GCFC2: variants seen among roughly 807,000 people sequenced by gnomAD.
The protein encoded by GCFC2 is GC-rich sequence DNA-binding factor 2, also known as intron Large complex component GCFC2.
Under a neutral mutation model 99.4 loss-of-function variants are expected in GCFC2, and 102 were observed. The ratio of observed to expected loss-of-function variants is 1.03; its 90% confidence interval spans 0.87 to 1.21. The LOEUF is 1.21. GCFC2 is among the 50% of genes most tolerant of loss of function. The probability of loss-of-function intolerance (pLI) is 0.00; values close to 1 mark genes in which losing one functional copy is unlikely to be tolerated. For missense variants in GCFC2, 973 were observed against 920.9 expected, an observed-to-expected ratio of 1.06 and a Z score of -0.73; for synonymous variants, 338 against 316.8, an observed-to-expected ratio of 1.07 and a Z score of -0.71.
Position 75,696,312 on chromosome 2 carries a change from T to G in GCFC2, c.721A>C (p.Arg241=), listed in dbSNP as rs748968769. ...TTGCCACAGGAAAGATCTATGTCTC[T>G]TTCCTAAAAAAGTAAAAATAGATTT... ...MRKAVKIIEE[R]DIDLSCGNGS... is the part of the protein sequence containing the mutation. Residue 241 remains arginine (R), a synonymous_variant, in exon 5 of 17, where the codon AGA becomes CGA. Coordinates refer to ENST00000321027, the MANE Select transcript of GCFC2 (RefSeq NM_003203.5). The G allele has an allele frequency of 4.1e-6, 5 of 1,233,164 alleles. No individual in the cohort carries two copies. Among genetic ancestry groups the G allele is most frequent in the Non-Finnish European group, 4.8e-6 (4 of 842,026 alleles). 76.4% of individuals were successfully genotyped at this position (1,233,164 alleles called of 1,614,324 possible).
Position 75,680,655 on chromosome 2 carries a change from G to T in GCFC2, c.1691-341C>A, listed in dbSNP as rs73936785. ...AGCCTCTCTCTCTCTCTGTCTCTCA[G>T]GTCCATTCACTCTCCCTCTCACCTA... On this transcript the variant is annotated intron_variant, in intron 11 of 16. Transcript: ENST00000321027. 5.3e-3 allele frequency among the ~76,000 whole-genome samples: 811 copies of T among 152,020 alleles called. 6 individuals carry two copies. Among genetic ancestry groups the T allele is most frequent in the African/African-American group, 0.018 (748 of 41,482 alleles).
intron 4 of GCFC2, among the ~76,000 whole-genome samples, chr2:75,696,665 A>G (rs1163835826): frequency 6.6e-6 from 1 of 152,240 alleles, no homozygotes; most frequent in Non-Finnish European, 1.5e-5. Flanking sequence ...TGTCTGGCTG[A>G]CCTAACACCT....
chr2:75,664,660 G>GAA lies in GCFC2; in HGVS notation c.*5_*6insTT. 8.2e-7 allele frequency: 1 copy of GAA among 1,218,876 alleles called. No individual in the cohort carries two copies. The highest frequency in any genetic ancestry group is 1.3e-5 in the South Asian group (1 of 78,880). 75.5% of individuals were successfully genotyped at this position (1,218,876 alleles called of 1,614,324 possible). On this transcript the variant is annotated 3_prime_UTR_variant, in exon 17 of 17. Coordinates refer to ENST00000321027, the MANE Select transcript of GCFC2 (RefSeq NM_003203.5). ...TAAAATTTTAGCATTTTCCAATAAA[G>GAA]TTTATTCAATCTTCTTTAATTAGTG...
At chr2:75,669,597 C>G (rs998834879) in intron 15 of GCFC2, among the ~76,000 whole-genome samples, 1 of 152,074 alleles carries the variant, frequency 6.6e-6, no homozygotes, top group African/African-American at 2.4e-5. Flanking sequence ...ACTTAACATT[C>G]TTTTTGTAAA....
At chr2:75,705,615 T>TAAA (rs1680823084) in intron 2 of GCFC2, among the ~76,000 whole-genome samples, 2 of 3,436 alleles carry the variant, frequency 5.8e-4, no homozygotes, top group African/African-American at 1.6e-3. Flanking sequence ...AGACTCCATC[T>TAAA]CAAAAAAAAA....
chr2:75,707,914 A>G (rs771505770), intron 1 of GCFC2, among the ~76,000 whole-genome samples: 2 of 152,214 alleles, frequency 1.3e-5, no homozygotes, highest in Non-Finnish European at 2.9e-5. Flanking sequence ...TTCATGAACT[A>G]ATTAAAAAAT....
rs149611163 is a variant in GCFC2 at position 75,684,805 on chromosome 2, C to G, written c.1690+3022G>C. ...ACAATAGCAAAGACTTGGAACCAAC[C>G]CAAATGCCCATCAATGATAGACTGG... On this transcript the variant is annotated intron_variant, in intron 11 of 16. Coordinates refer to ENST00000321027, the MANE Select transcript of GCFC2 (RefSeq NM_003203.5). Among the ~76,000 whole-genome samples the G allele has an allele frequency of 1.5e-3, 232 of 152,252 alleles. 2 individuals carry two copies. Among genetic ancestry groups the G allele is most frequent in the Non-Finnish European group, 2.7e-3 (183 of 68,004 alleles).
At position 75,686,780 on chromosome 2, in the gene GCFC2, C is replaced by T. The variant is rs184667695; in HGVS notation, c.1690+1047G>A. 2.2e-4 allele frequency among the ~76,000 whole-genome samples: 34 copies of T among 152,218 alleles called. 1 individual carries two copies. The East Asian group carries it at 6.0e-3, about 27-fold the overall frequency. ...CACAAAAAATTAAATAAGAGTTTTG[C>T]AGTCTTTGCTGTCAAATTTCTTTCT... On this transcript the variant is annotated intron_variant, in intron 11 of 16. Transcript: ENST00000321027.
chr2:75,668,136 A>G (rs59030612), intron 15 of GCFC2, among the ~76,000 whole-genome samples: 1,715 of 152,172 alleles, frequency 0.011, 58 homozygotes, highest in East Asian at 0.1. Context: ...CCCAGATCCT[A>G]AAGTCTGATC....
At chr2:75,664,854 G>C in intron 16 of GCFC2, 71 bp from the exon 17 acceptor site, 2 of 725,748 alleles carry the variant, frequency 2.8e-6, no homozygotes, top group South Asian at 3.2e-5. Context: ...TTCAGAACCT[G>C]ATCATCAGTT....
At chr2:75,684,556 A>G (rs923798782) in intron 11 of GCFC2, among the ~76,000 whole-genome samples, 1 of 152,230 alleles carries the variant, frequency 6.6e-6, no homozygotes, top group Non-Finnish European at 1.5e-5. Flanking sequence ...TCCTAACATC[A>G]CAATTAAAAG....
intron 11 of GCFC2, among the ~76,000 whole-genome samples, chr2:75,681,684 A>C (rs887377563): frequency 6.6e-6 from 1 of 151,930 alleles, no homozygotes; most frequent in African/African-American, 2.4e-5. Context: ...CAGCAAGCTA[A>C]GATCCACTGA....
chr2:75,665,143 C>T (rs1339637689), intron 16 of GCFC2, among the ~76,000 whole-genome samples: 1 of 151,614 alleles, frequency 6.6e-6, no homozygotes, highest in African/African-American at 2.4e-5. Flanking sequence ...GCAAATAATA[C>T]AAATCTGATT....
At chr2:75,700,107 C>T (rs549862824) in intron 4 of GCFC2, among the ~76,000 whole-genome samples, 1 of 152,042 alleles carries the variant, frequency 6.6e-6, no homozygotes, top group African/African-American at 2.4e-5. Flanking sequence ...GGCTATGTTG[C>T]CCAGGCTAGT....
intron 11 of GCFC2, among the ~76,000 whole-genome samples, chr2:75,684,821 G>T (rs1679739858): frequency 6.6e-6 from 1 of 152,194 alleles, no homozygotes; most frequent in South Asian, 2.1e-4. Flanking sequence ...GCCCATCAAT[G>T]ATAGACTGGA....
Position 75,680,225 on chromosome 2 carries a change from T to C in GCFC2, c.1780A>G (p.Thr594Ala), listed in dbSNP as rs6722682. The change falls in exon 12 of 17, where the codon ACT becomes GCT. Residue 594 changes from threonine (T) to alanine (A), a missense_variant. Thr to Ala is a moderately conservative substitution (Grantham distance 58). Transcript: ENST00000321027. ...HCRVILEEHS[T>A]CENEVSKSRQ... ...CTTTTACTAACTTCATTTTCACAAG[T>C]GGAATGTTCTTCAAGAATCACTCTG... 239,750 of 1,603,322 alleles carry C rather than the reference T, an allele frequency of 0.15. 22,806 individuals carry two copies. Among genetic ancestry groups the C allele is most frequent in the African/African-American group, 0.47 (34,716 of 74,574 alleles).
intron 12 of GCFC2, 49 bp from the exon 13 acceptor site, chr2:75,673,569 T>C (rs1191404581): frequency 5.0e-6 from 4 of 806,386 alleles, no homozygotes; most frequent in Non-Finnish European, 2.1e-6. Context: ...TAGAAATGTA[T>C]TTACCAAAAA....
chr2:75,700,907 T>C (rs1413088741), intron 4 of GCFC2, among the ~76,000 whole-genome samples: 2 of 152,000 alleles, frequency 1.3e-5, no homozygotes, highest in Non-Finnish European at 2.9e-5. Context: ...AGTAGAGACA[T>C]GGAAAAAGCC....
rs755071622 is a variant in GCFC2 at position 75,665,938 on chromosome 2, C to T, written c.2219G>A (p.Ser740Asn). ...ATAAAATATGCATTACCTGAATTCA[C>T]TTCTAGATAATTTATGTGCAGACTG... Reference protein sequence around the residue: ...LLQSAHKLSRSEFRDEVEEII... With the variant: ...LLQSAHKLSRNEFRDEVEEII... Residue 740 changes from serine (S) to asparagine (N), a missense_variant, in exon 16 of 17, where the codon AGT becomes AAT. Coordinates refer to ENST00000321027, the MANE Select transcript of GCFC2 (RefSeq NM_003203.5). 1 of 1,587,996 alleles carries T rather than the reference C, an allele frequency of 6.3e-7. No homozygotes were observed. The highest frequency in any genetic ancestry group is 1.1e-5 in the South Asian group (1 of 89,064).
Sources: allele counts gnomAD v4.1 joint callset (sites outside exome capture counted in the v4.1 genomes callset), GRCh38; gene constraint gnomAD v4.1.1; transcripts MANE v1.5; gene names NCBI Gene and HGNC (gene_info 2026-07-23, HGNC 2026-07-21).